TOP1: variants seen among roughly 807,000 people sequenced by gnomAD.
The protein encoded by TOP1 is DNA topoisomerase 1.
TOP1 carries 10 observed loss-of-function variants against 111.1 expected under a neutral mutation model. That is an observed-to-expected ratio of 0.09 (90% CI 0.06 to 0.15). TOP1 has a LOEUF of 0.15. TOP1 is among the 10% of genes least tolerant of loss of function. The pLI is 1.00. For missense variants in TOP1, 474 were observed against 926.7 expected (o/e 0.51, Z 6.34); for synonymous variants, 271 against 302.9 (o/e 0.89, Z 1.10).
chr20:41,052,781 A>G (rs544960770), intron 2 of TOP1, among the ~76,000 whole-genome samples: 5 of 152,316 alleles, frequency 3.3e-5, no homozygotes, highest in South Asian at 2.1e-4. Context: ...ACTTGAGGTC[A>G]GGAGTTCGAG....
chr20:41,053,775 C>T (rs960776936), intron 2 of TOP1, among the ~76,000 whole-genome samples: 1 of 152,166 alleles, frequency 6.6e-6, no homozygotes, highest in Non-Finnish European at 1.5e-5. Context: ...TGCCATTCTA[C>T]ATTCTGCCTC....
In TOP1 at chr20:41,121,430, C is replaced by T. The variant is rs1282030616; in HGVS notation, c.1951-266C>T. Reference sequence around the variant, plus strand: ...ATGGAAAGATCAGCACCCAGATTCCCAGCCCCAGCGGGTTCCTTTCCCTGA... The same window carrying T: ...ATGGAAAGATCAGCACCCAGATTCCTAGCCCCAGCGGGTTCCTTTCCCTGA... On this transcript the variant is annotated intron_variant, in intron 18 of 20. Coordinates refer to ENST00000361337, the MANE Select transcript of TOP1 (RefSeq NM_003286.4). This position sits in a 1 kb window ranked among gnomAD's most constrained non-coding sequence, Gnocchi z 4.2. Among the ~76,000 whole-genome samples the T allele has an allele frequency of 1.3e-5, 2 of 152,224 alleles. No individual in the cohort carries two copies. The highest frequency in any genetic ancestry group is 4.8e-5 in the African/African-American group (2 of 41,456).
Position 41,093,473 on chromosome 20 carries a change from T to C in TOP1, c.730+886T>C, listed in dbSNP as rs368927948. ...TCCTTCCCTCTTCTGTCCCCTTTCC[T>C]GACAGTCCCCCTTCTCCTTTCCCCA... On this transcript the variant is annotated intron_variant, in intron 9 of 20. Coordinates refer to ENST00000361337, the MANE Select transcript of TOP1 (RefSeq NM_003286.4). 2.2e-3 allele frequency among the ~76,000 whole-genome samples: 328 copies of C among 152,164 alleles called. 1 individual carries two copies. The highest frequency in any genetic ancestry group is 6.5e-3 in the African/African-American group (269 of 41,498).
At chr20:41,049,135 T>A (rs2033370414) in intron 2 of TOP1, among the ~76,000 whole-genome samples, 1 of 152,232 alleles carries the variant, frequency 6.6e-6, no homozygotes, top group African/African-American at 2.4e-5. Context: ...GCCTCCTTCT[T>A]GTGTGTCTTT....
chr20:41,052,963 C>G (rs550218817), intron 2 of TOP1, among the ~76,000 whole-genome samples: 1 of 152,240 alleles, frequency 6.6e-6, no homozygotes, highest in East Asian at 1.9e-4. Flanking sequence ...GCACTCCAGC[C>G]TGGACAGTAG....
In TOP1 at chr20:41,097,757, T is replaced by A. The variant is rs1222200687; in HGVS notation, c.852+416T>A. ...ACTCTTGAAACCACATATACTATAT[T>A]TGCCTAGGTGATTTTTTAAAATCTC... On this transcript the variant is annotated intron_variant, in intron 10 of 20. Coordinates refer to ENST00000361337, the MANE Select transcript of TOP1 (RefSeq NM_003286.4). The surrounding 1 kb of genome is among the most constrained non-coding windows in gnomAD (Gnocchi z 4.2). 2.0e-5 allele frequency among the ~76,000 whole-genome samples: 3 copies of A among 152,226 alleles called. No individual in the cohort carries two copies. The highest frequency in any genetic ancestry group is 2.1e-4 in the South Asian group (1 of 4,834).
At position 41,106,833 on chromosome 20, in the gene TOP1, A is replaced by G. The variant is rs1339232616; in HGVS notation, c.1308+5480A>G. ...TGTCATTTGGGGTTTCTATGTAGAT[A>G]ATTTAATTATCTATAAAAACAGTTC... On this transcript the variant is annotated intron_variant, in intron 13 of 20. Coordinates refer to ENST00000361337, the MANE Select transcript of TOP1 (RefSeq NM_003286.4). This position sits in a 1 kb window ranked among gnomAD's most constrained non-coding sequence, Gnocchi z 4.3. Among the ~76,000 whole-genome samples the G allele has an allele frequency of 6.6e-6, 1 of 152,142 alleles. No individual in the cohort carries two copies. Among genetic ancestry groups the G allele is most frequent in the Admixed American group, 6.5e-5 (1 of 15,278 alleles).
intron 2 of TOP1, among the ~76,000 whole-genome samples, chr20:41,047,946 C>T (rs2033353746): frequency 6.6e-6 from 1 of 152,094 alleles, no homozygotes; most frequent in Admixed American, 6.5e-5. Context: ...TTGACTAACC[C>T]CCTCCTTATT....
At chr20:41,107,416 T>A (rs2034163694) in intron 13 of TOP1, among the ~76,000 whole-genome samples, 1 of 152,316 alleles carries the variant, frequency 6.6e-6, no homozygotes, top group Non-Finnish European at 1.5e-5. Flanking sequence ...TCTGATTTTT[T>A]AAGTTCAGGG....
intron 2 of TOP1, among the ~76,000 whole-genome samples, chr20:41,036,808 A>G (rs529095305): frequency 1.9e-4 from 28 of 149,294 alleles, no homozygotes; most frequent in African/African-American, 5.9e-4. Flanking sequence ...GAAGGATCCA[A>G]TTGTATATCT....
At position 41,107,557 on chromosome 20, in the gene TOP1, A is replaced by G. The variant is rs191027792; in HGVS notation, c.1309-5225A>G. On this transcript the variant is annotated intron_variant, in intron 13 of 20. Transcript: ENST00000361337. ...TTTTGTTTTCAAAATTTCTAATTTTATATCTGATTTTGTTTCATTTTTGTT... is the reference window on the plus strand; with the variant it reads ...TTTTGTTTTCAAAATTTCTAATTTTGTATCTGATTTTGTTTCATTTTTGTT... 1.3e-3 allele frequency among the ~76,000 whole-genome samples: 200 copies of G among 152,244 alleles called. 1 individual carries two copies. The highest frequency in any genetic ancestry group is 2.1e-3 in the Non-Finnish European group (143 of 68,006).
chr20:41,103,122 G>A (rs183050658), intron 13 of TOP1, among the ~76,000 whole-genome samples: 1 of 152,252 alleles, frequency 6.6e-6, no homozygotes, highest in Non-Finnish European at 1.5e-5. Flanking sequence ...GTGGTAAATG[G>A]TATCAATGCA....
chr20:41,050,764 C>T (rs538377466), intron 2 of TOP1, among the ~76,000 whole-genome samples: 13 of 152,188 alleles, frequency 8.5e-5, no homozygotes, highest in Non-Finnish European at 1.2e-4. Context: ...GATTCACACA[C>T]CCCTGATATT....
intron 13 of TOP1, among the ~76,000 whole-genome samples, chr20:41,103,997 C>T (rs760149888): frequency 2.6e-5 from 4 of 152,134 alleles, no homozygotes; most frequent in Non-Finnish European, 5.9e-5. Context: ...ACATATAATG[C>T]CTGTAAATCT....
chr20:41,090,725 C>T (rs1408113072), intron 8 of TOP1, among the ~76,000 whole-genome samples: 2 of 152,090 alleles, frequency 1.3e-5, no homozygotes, highest in African/African-American at 2.4e-5. Context: ...AGGCTGGTCT[C>T]GAACTCTTGT....
chr20:41,047,848 C>A (rs1438561043), intron 2 of TOP1, among the ~76,000 whole-genome samples: 4 of 152,308 alleles, frequency 2.6e-5, no homozygotes, highest in African/African-American at 9.6e-5. Flanking sequence ...CTGAGCCCCA[C>A]TGGCAGGACT....
chr20:41,030,852 G>T lies in TOP1; in HGVS notation c.58+1397G>T, dbSNP rs1473299755. 6.6e-6 allele frequency among the ~76,000 whole-genome samples: 1 copy of T among 152,170 alleles called. No individual in the cohort carries two copies. The highest frequency in any genetic ancestry group is 6.5e-5 in the Admixed American group (1 of 15,282). ...CCAGCAGGAGATGGTACTCAGCCAG[G>T]AGAGAATCTGGTTTAAAGTATGGCA... On this transcript the variant is annotated intron_variant, in intron 2 of 20. Coordinates refer to ENST00000361337, the MANE Select transcript of TOP1 (RefSeq NM_003286.4). This position sits in a 1 kb window ranked among gnomAD's most constrained non-coding sequence, Gnocchi z 4.1.
In TOP1 at chr20:41,068,242, G is replaced by C. The variant is rs140803000; in HGVS notation, c.155+6752G>C. Among the ~76,000 whole-genome samples the C allele has an allele frequency of 2.2e-3, 330 of 152,288 alleles. 1 individual carries two copies. Among genetic ancestry groups the C allele is most frequent in the African/African-American group, 6.5e-3 (271 of 41,562 alleles). ...AATCTTTGGCACTGAAAGTATTAAT[G>C]TCATCAAATTCTGAACCTATGAAAA... On this transcript the variant is annotated intron_variant, in intron 3 of 20. Transcript: ENST00000361337.
At chr20:41,059,459 AGGT>A (rs1555803677) in intron 2 of TOP1, among the ~76,000 whole-genome samples, 2 of 150,608 alleles carry the variant, frequency 1.3e-5, no homozygotes, top group Non-Finnish European at 3.0e-5. Flanking sequence ...TAAATAAATA[AGGT>A]GGTGGTGGTG....
Sources: gnomAD v4.1 joint callset for allele counts (sites outside exome capture counted in the v4.1 genomes callset) on GRCh38, gnomAD v4.1.1 for gene constraint, Gnocchi (gnomAD v3.1) non-coding constraint, MANE v1.5 for transcripts, NCBI Gene and HGNC (gene_info 2026-07-23, HGNC 2026-07-21) for gene names.